Variants in ADGRL2 observed in about 807,000 individuals in gnomAD.
ADGRL2 encodes the protein calcium-independent alpha-latrotoxin receptor 2.
A neutral mutation model predicts 157.4 loss-of-function variants in ADGRL2; 44 were observed. That is an observed-to-expected ratio of 0.28 (90% CI 0.22 to 0.36). The LOEUF (loss-of-function observed/expected upper bound fraction) is 0.36. Among genes scored for constraint, ADGRL2 ranks in the 10% least tolerant of loss-of-function variants. The pLI is 1.00. For missense variants in ADGRL2, 1,510 were observed against 1,768.9 expected (o/e 0.85, Z 2.63); for synonymous variants, 585 against 624.7 (o/e 0.94, Z 0.95).
intron 1 of ADGRL2, among the ~76,000 whole-genome samples, chr1:81,711,399 T>C (rs1353928107): frequency 1.3e-5 from 2 of 152,254 alleles, no homozygotes; most frequent in Non-Finnish European, 2.9e-5. Flanking sequence ...CAAACATTTA[T>C]CTCATAAGTG....
At chr1:81,784,189 A>G (rs1158438733) in intron 2 of ADGRL2, among the ~76,000 whole-genome samples, 1 of 152,194 alleles carries the variant, frequency 6.6e-6, no homozygotes, top group African/African-American at 2.4e-5. Flanking sequence ...TTTTATGAGG[A>G]CTTTTCAGAT....
At chr1:81,445,813 G>A (rs925741718) in intron 2 of ADGRL2, among the ~76,000 whole-genome samples, 49 of 152,168 alleles carry the variant, frequency 3.2e-4, no homozygotes, top group African/African-American at 1.2e-3. Flanking sequence ...TGCAAAATGG[G>A]AGAAATTGTC....
chr1:81,698,861 G>A (rs1334314961), upstream of ADGRL2, among the ~76,000 whole-genome samples: 1 of 152,014 alleles, frequency 6.6e-6, no homozygotes, highest in Non-Finnish European at 1.5e-5. Flanking sequence ...TTACATACAT[G>A]ACTATAAAGA....
At chr1:81,655,624 A>T (rs2082517287) in intron 3 of ADGRL2, among the ~76,000 whole-genome samples, 1 of 152,084 alleles carries the variant, frequency 6.6e-6, no homozygotes, top group Non-Finnish European at 1.5e-5. Context: ...TCTTCCTGAA[A>T]TATTTCCACT....
At chr1:81,591,164 A>G (rs1160899446) in intron 3 of ADGRL2, among the ~76,000 whole-genome samples, 2 of 152,184 alleles carry the variant, frequency 1.3e-5, no homozygotes, top group African/African-American at 4.8e-5. Flanking sequence ...AAACCTTGGC[A>G]TAGTCTTCAT....
At chr1:81,924,294 C>T (rs190966028) in intron 3 of ADGRL2, among the ~76,000 whole-genome samples, 2 of 152,274 alleles carry the variant, frequency 1.3e-5, no homozygotes, top group African/African-American at 2.4e-5. Context: ...AGGGACTTAA[C>T]GGTCCTTCAA....
intron 6 of ADGRL2, among the ~76,000 whole-genome samples, chr1:81,949,461 T>G (rs973807192): frequency 6.6e-6 from 1 of 152,222 alleles, no homozygotes; most frequent in Non-Finnish European, 1.5e-5. Context: ...GACTAAGATA[T>G]GAAGGGTTGG....
intron 17 of ADGRL2, among the ~76,000 whole-genome samples, chr1:81,978,853 G>C (rs1660868851): frequency 6.6e-6 from 1 of 151,622 alleles, no homozygotes; most frequent in Non-Finnish European, 1.5e-5. Context: ...TAGGTGAAAT[G>C]GGTCTTTTTC....
intron 2 of ADGRL2, among the ~76,000 whole-genome samples, chr1:81,512,050 C>T (rs539360542): frequency 3.1e-4 from 47 of 151,990 alleles, no homozygotes; most frequent in Admixed American, 1.8e-3. Context: ...CCTCATCGTG[C>T]TAAAAGAGCA....
intron 1 of ADGRL2, among the ~76,000 whole-genome samples, chr1:81,720,508 G>T (rs535084910): frequency 3.9e-5 from 6 of 152,112 alleles, no homozygotes; most frequent in African/African-American, 1.4e-4. Flanking sequence ...AGTGAGGTCT[G>T]TATATTTTCT....
chr1:81,451,811 T>C (rs757041977), intron 2 of ADGRL2, among the ~76,000 whole-genome samples: 1 of 152,196 alleles, frequency 6.6e-6, no homozygotes, highest in South Asian at 2.1e-4. Flanking sequence ...TTTTTGTTAA[T>C]TAAAACCACT....
chr1:81,508,116 A>G (rs565283408), intron 2 of ADGRL2, among the ~76,000 whole-genome samples: 28 of 152,236 alleles, frequency 1.8e-4, no homozygotes, highest in Non-Finnish European at 4.0e-4. Flanking sequence ...AAATGCAAAT[A>G]TGAGCATTTA....
At chr1:81,590,934 G>T (rs1269907434) in intron 3 of ADGRL2, among the ~76,000 whole-genome samples, 1 of 152,032 alleles carries the variant, frequency 6.6e-6, no homozygotes, top group Non-Finnish European at 1.5e-5. Flanking sequence ...TTTATATTCT[G>T]CCAAGACCCT....
chr1:81,443,603 T>A (rs2101692061), intron 1 of ADGRL2, among the ~76,000 whole-genome samples: 1 of 152,310 alleles, frequency 6.6e-6, no homozygotes, highest in South Asian at 2.1e-4. Flanking sequence ...TAGGAATACA[T>A]TTTAAGCATT....
intron 1 of ADGRL2, among the ~76,000 whole-genome samples, chr1:81,333,341 C>A (rs564536224): frequency 1.1e-4 from 16 of 152,224 alleles, no homozygotes; most frequent in African/African-American, 3.6e-4. Context: ...AGCATCCAAC[C>A]AGAGGACATA....
At chr1:81,331,940 G>C (rs1570641210) in intron 1 of ADGRL2, among the ~76,000 whole-genome samples, 1 of 152,060 alleles carries the variant, frequency 6.6e-6, no homozygotes, top group South Asian at 2.1e-4. Flanking sequence ...AAAAAATTAA[G>C]TCACTTATGT....
chr1:81,337,908 A>G (rs922524060), intron 1 of ADGRL2, among the ~76,000 whole-genome samples: 2 of 152,200 alleles, frequency 1.3e-5, no homozygotes, highest in Admixed American at 6.5e-5. Flanking sequence ...TAGGGGTACA[A>G]ATAGGGTCAG....
chr1:81,435,467 T>C (rs1052673783), intron 1 of ADGRL2, among the ~76,000 whole-genome samples: 1 of 152,198 alleles, frequency 6.6e-6, no homozygotes, highest in Non-Finnish European at 1.5e-5. Flanking sequence ...GTTCAATGAA[T>C]TCAAAACACT....
intron 3 of ADGRL2, among the ~76,000 whole-genome samples, chr1:81,693,268 C>T (rs570403214): frequency 1.1e-4 from 17 of 152,250 alleles, no homozygotes; most frequent in Admixed American, 5.9e-4. Context: ...TCCCGTCTCC[C>T]GACTAAACCT....
Sources: gnomAD v4.1 joint callset for allele counts (sites outside exome capture counted in the v4.1 genomes callset) on GRCh38, gnomAD v4.1.1 for gene constraint, MANE v1.5 for transcripts, NCBI Gene and HGNC (gene_info 2026-07-23, HGNC 2026-07-21) for gene names.